The following KDSR variants were observed in gnomAD, a reference collection of about 807,000 sequenced individuals.
The protein encoded by KDSR is 3-dehydrosphinganine reductase.
KDSR carries 23 observed loss-of-function variants against 41.3 expected under a neutral mutation model. That is an observed-to-expected ratio of 0.56 (90% confidence interval 0.40 to 0.79). KDSR has a LOEUF of 0.79. Ranked by LOEUF, KDSR falls within the 30% of genes least tolerant of loss-of-function variation. The pLI is 0.00. For missense variants in KDSR, 351 were observed against 416.8 expected (o/e 0.84, Z 1.37); for synonymous variants, 138 against 151.7 (o/e 0.91, Z 0.66).
intron 8 of KDSR, 189 bp from the exon 9 acceptor site, chr18:63,335,547 C>T (rs1914128671): frequency 9.2e-6 from 5 of 542,378 alleles, no homozygotes; most frequent in South Asian, 2.3e-5. Context: ...AGTGAGTCCA[C>T]GGACCCCTGC....
At chr18:63,363,959 G>T (rs1457004729) in intron 1 of KDSR, among the ~76,000 whole-genome samples, 1 of 152,092 alleles carries the variant, frequency 6.6e-6, no homozygotes, top group African/African-American at 2.4e-5. Context: ...CTATCTCTAT[G>T]GGACTCATAG....
In KDSR at chr18:63,361,071, TAC is replaced by T. The variant is rs552737796; in HGVS notation, c.199-1281_199-1280del. On this transcript the variant is annotated intron_variant, in intron 2 of 9. Coordinates refer to ENST00000645214, the MANE Select transcript of KDSR (RefSeq NM_002035.4). ...TATTTTATATATATGTAAATATATA[TAC>T]ACACACACACACACACAAATCAGCC... Among the ~76,000 whole-genome samples, 173 of 104,884 alleles carry T rather than the reference TAC, an allele frequency of 1.6e-3. 1 individual carries two copies. The highest frequency in any genetic ancestry group is 4.7e-3 in the African/African-American group (134 of 28,288). 68.8% of individuals were successfully genotyped at this position (104,884 alleles called of 152,430 possible). A position where few individuals can be genotyped will look rare whatever the true frequency, so the allele number is the denominator to read the frequency against.
intron 3 of KDSR, among the ~76,000 whole-genome samples, chr18:63,356,135 C>T (rs964577434): frequency 5.3e-5 from 8 of 152,290 alleles, no homozygotes; most frequent in African/African-American, 1.7e-4. Flanking sequence ...CGGTGGCTCA[C>T]GCCTATAATC....
At position 63,348,681 on chromosome 18, in the gene KDSR, T is replaced by G. The variant is rs1599330340; in HGVS notation, c.609+2207A>C. On this transcript the variant is annotated intron_variant, in intron 6 of 9. Transcript: ENST00000645214. Reference sequence around the variant, plus strand: ...TTGTCACAGAGGTTGGGGGGCTCTGTCTGTACCAGCAATCCACTTTCTTTT... The same window carrying G: ...TTGTCACAGAGGTTGGGGGGCTCTGGCTGTACCAGCAATCCACTTTCTTTT... 3.3e-5 allele frequency among the ~76,000 whole-genome samples: 5 copies of G among 152,186 alleles called. No homozygotes were observed. The East Asian group carries it at 9.6e-4, about 29-fold the overall frequency.
At position 63,359,735 on chromosome 18, in the gene KDSR, C is replaced by A; in HGVS notation, c.255+1G>T. On this transcript the variant is annotated splice_donor_variant, in intron 3 of 9. Coordinates refer to ENST00000645214, the MANE Select transcript of KDSR (RefSeq NM_002035.4). LOFTEE classifies it high-confidence loss of function. ...AATGCATTCTGAAGACAGAGATTTA[C>A]CTGTTTGTCATTAATAGAGTGCATT... The A allele has an allele frequency of 6.3e-7, 1 of 1,590,650 alleles. No individual in the cohort carries two copies. The highest frequency in any genetic ancestry group is 8.6e-7 in the Non-Finnish European group (1 of 1,160,174).
rs394551 is a variant in KDSR at position 63,366,781 on chromosome 18, C to G, written c.108+230G>C. 8.5e-3 allele frequency: 3,235 copies of G among 382,088 alleles called. 86 individuals carry two copies. The highest frequency in any genetic ancestry group is 0.061 in the African/African-American group (2,933 of 48,140). The allele number at this position is 382,088 out of a possible 1,614,324, so 23.7% of individuals were successfully genotyped here. A position where few individuals can be genotyped will look rare whatever the true frequency, so the allele number is the denominator to read the frequency against. Reference sequence around the variant, plus strand: ...GCGGCCGGCGGGGTCCCCCGTCGCACGCTCTCCGGCCCTAGGAGGAGCCCG... The same window carrying G: ...GCGGCCGGCGGGGTCCCCCGTCGCAGGCTCTCCGGCCCTAGGAGGAGCCCG... On this transcript the variant is annotated intron_variant, in intron 1 of 9. Coordinates refer to ENST00000645214, the MANE Select transcript of KDSR (RefSeq NM_002035.4).
intron 2 of KDSR, among the ~76,000 whole-genome samples, chr18:63,362,067 C>T (rs1282374679): frequency 6.6e-6 from 1 of 152,196 alleles, no homozygotes; most frequent in Admixed American, 6.5e-5. Flanking sequence ...ATTCAACAAA[C>T]ATGTCTGAGC....
chr18:63,342,630 A>G (rs938594727), intron 7 of KDSR, among the ~76,000 whole-genome samples: 1 of 152,240 alleles, frequency 6.6e-6, no homozygotes, highest in African/African-American at 2.4e-5. Context: ...TAATATTAAT[A>G]TGAGCACTAA....
At chr18:63,348,950 G>A (rs1914590120) in intron 6 of KDSR, among the ~76,000 whole-genome samples, 1 of 152,214 alleles carries the variant, frequency 6.6e-6, no homozygotes, top group African/African-American at 2.4e-5. Flanking sequence ...CAGACCTGGG[G>A]TCAAGGCTTG....
chr18:63,342,544 G>T (rs961365022), intron 7 of KDSR, among the ~76,000 whole-genome samples: 2 of 152,190 alleles, frequency 1.3e-5, no homozygotes, highest in Non-Finnish European at 2.9e-5. Flanking sequence ...GACTGAATTA[G>T]TTATAGATAA....
intron 5 of KDSR, among the ~76,000 whole-genome samples, 193 bp from the exon 6 acceptor site, chr18:63,351,272 C>T (rs574127833): frequency 6.8e-6 from 1 of 147,188 alleles, no homozygotes; most frequent in South Asian, 2.2e-4. Context: ...CATTTGAAGA[C>T]TCAGGACCTA....
At chr18:63,364,797 T>C (rs993502370) in intron 1 of KDSR, among the ~76,000 whole-genome samples, 1 of 152,198 alleles carries the variant, frequency 6.6e-6, no homozygotes, top group African/African-American at 2.4e-5. Context: ...CATAGTATTG[T>C]CTCCTGTTTT....
chr18:63,359,636 A>G (rs1914906200), intron 3 of KDSR, 100 bp downstream of exon 3: 2 of 792,856 alleles, frequency 2.5e-6, no homozygotes, highest in Non-Finnish European at 4.4e-6. Context: ...CAGTACATAT[A>G]TGCTTTCAAT....
intron 2 of KDSR, among the ~76,000 whole-genome samples, chr18:63,361,091 A>C (rs1465972052): frequency 8.0e-6 from 1 of 124,992 alleles, no homozygotes; most frequent in Non-Finnish European, 1.6e-5. Context: ...CACACACACA[A>C]ATCAGCCAGG....
At chr18:63,337,909 C>T (rs1305273659) in intron 8 of KDSR, among the ~76,000 whole-genome samples, 1 of 152,180 alleles carries the variant, frequency 6.6e-6, no homozygotes, top group Admixed American at 6.5e-5. Context: ...GCCTGGGCAA[C>T]AAGAGCAAAA....
Position 63,330,866 on chromosome 18 carries a change from A to T in KDSR, c.*916T>A, listed in dbSNP as rs1399520392. ...AGTATAAGCAAAATTGGAAAGGAAGAGATGGGAAAAACAAGTAGATGCTAA... is the reference window on the plus strand; with the variant it reads ...AGTATAAGCAAAATTGGAAAGGAAGTGATGGGAAAAACAAGTAGATGCTAA... On this transcript the variant is annotated 3_prime_UTR_variant, in exon 10 of 10. Coordinates refer to ENST00000645214, the MANE Select transcript of KDSR (RefSeq NM_002035.4). 1 of 225,004 alleles carries T rather than the reference A, an allele frequency of 4.4e-6. No individual in the cohort carries two copies. The highest frequency in any genetic ancestry group is 6.4e-5 in the East Asian group (1 of 15,550). The allele number at this position is 225,004 out of a possible 1,614,324, so 13.9% of individuals were successfully genotyped here. A position where few individuals can be genotyped will look rare whatever the true frequency, so the allele number is the denominator to read the frequency against.
chr18:63,352,685 T>C (rs141738614), intron 5 of KDSR, among the ~76,000 whole-genome samples: 47 of 152,192 alleles, frequency 3.1e-4, no homozygotes, highest in South Asian at 2.1e-4. Context: ...GCTATTTAAG[T>C]TTAAAAAGCA....
Position 63,335,279 on chromosome 18 carries a change from G to C in KDSR, c.857C>G (p.Ser286Cys). 1 of 1,612,586 alleles carries C rather than the reference G, an allele frequency of 6.2e-7. No homozygotes were observed. The change falls in exon 9 of 10, where the codon TCT becomes TGT. Residue 286 changes from serine (S) to cysteine (C), a missense_variant. By Grantham distance (112) the Ser-to-Cys change is moderately radical. Transcript: ENST00000645214. ...ALTCGMAPVT[S>C]ITEGLQQVVT... ...TACCTGCTGGAGCCCCTCAGTAATA[G>C]AAGTTACTGGAGCCATCCCACAGGT...
At chr18:63,357,706 C>A (rs915947474) in intron 3 of KDSR, among the ~76,000 whole-genome samples, 1 of 151,520 alleles carries the variant, frequency 6.6e-6, no homozygotes, top group Non-Finnish European at 1.5e-5. Flanking sequence ...CTGCCTCAGC[C>A]TCCCTCCTGA....
Sources: gnomAD v4.1 joint callset for allele counts (sites outside exome capture counted in the v4.1 genomes callset) on GRCh38, gnomAD v4.1.1 for gene constraint, MANE v1.5 for transcripts, NCBI Gene and HGNC (gene_info 2026-07-23, HGNC 2026-07-21) for gene names.